The following SASH1 variants were observed in gnomAD, a reference collection of about 807,000 sequenced individuals.
SASH1 encodes the protein SAM and SH3 domain containing 1, also known as SAM and SH3 domain-containing protein 1.
Under a neutral mutation model 125.2 loss-of-function variants are expected in SASH1, and 44 were observed. That is an observed-to-expected ratio of 0.35 (90% CI 0.28 to 0.45). The LOEUF is 0.45. Among genes scored for constraint, SASH1 ranks in the 20% least tolerant of loss-of-function variants. The pLI is 1.00. For missense variants in SASH1, 1,426 were observed against 1,614.5 expected (o/e 0.88, Z 2.00); for synonymous variants, 639 against 649.1 (o/e 0.98, Z 0.24).
intron 2 of SASH1, among the ~76,000 whole-genome samples, chr6:148,411,600 A>G (rs9322149): frequency 0.29 from 43,682 of 151,922 alleles, 6,372 homozygotes; most frequent in Admixed American, 0.36. Context: ...CTGGAGTGCA[A>G]TGGTGTGATA....
At chr6:148,538,637 G>T (rs1782023122) in intron 16 of SASH1, among the ~76,000 whole-genome samples, 1 of 152,166 alleles carries the variant, frequency 6.6e-6, no homozygotes, top group South Asian at 2.1e-4. Context: ...CTGTAGTTGG[G>T]GCTGTAAAAT....
intron 2 of SASH1, among the ~76,000 whole-genome samples, chr6:148,393,929 G>A (rs912881125): frequency 6.6e-4 from 65 of 98,416 alleles, no homozygotes; most frequent in African/African-American, 2.5e-3. Flanking sequence ...TTTTGCTCTT[G>A]TTGCCCAGGG....
chr6:148,418,210 T>G (rs1784905446), intron 2 of SASH1, among the ~76,000 whole-genome samples: 1 of 152,334 alleles, frequency 6.6e-6, no homozygotes, highest in East Asian at 1.9e-4. Flanking sequence ...ATTTTTTGTT[T>G]ACCACTTGCA....
intron 7 of SASH1, chr6:148,478,903 A>T (rs975328135): frequency 1.7e-5 from 3 of 180,032 alleles, no homozygotes; most frequent in Non-Finnish European, 3.8e-5. Flanking sequence ...TTCCTTGGGC[A>T]TGCCATACAT....
At chr6:148,376,235 T>G (rs1332713357) in intron 1 of SASH1, among the ~76,000 whole-genome samples, 1 of 151,958 alleles carries the variant, frequency 6.6e-6, no homozygotes, top group Non-Finnish European at 1.5e-5. Context: ...CCTAGCTAAT[T>G]TTTTTGTATT....
chr6:148,354,590 G>C (rs1028497557), intron 1 of SASH1, among the ~76,000 whole-genome samples: 4 of 151,898 alleles, frequency 2.6e-5, no homozygotes, highest in African/African-American at 9.7e-5. Flanking sequence ...CTTTAATTAA[G>C]AGTCTTAGGT....
intron 2 of SASH1, among the ~76,000 whole-genome samples, chr6:148,419,191 G>C (rs1489244731): frequency 6.6e-6 from 1 of 152,202 alleles, no homozygotes; most frequent in African/African-American, 2.4e-5. Context: ...TATTCAAAGA[G>C]AGTCTTCATA....
chr6:148,202,982 G>A, the SASH1 span, among the ~76,000 whole-genome samples: 1 of 151,802 alleles, frequency 6.6e-6, no homozygotes, highest in Non-Finnish European at 1.5e-5. Context: ...AAACAGAAAA[G>A]AAAGAATATA....
intron 2 of SASH1, among the ~76,000 whole-genome samples, chr6:148,415,595 G>A (rs1306681385): frequency 6.6e-6 from 1 of 152,144 alleles, no homozygotes; most frequent in South Asian, 2.1e-4. Context: ...TGTTGTCTGG[G>A]AGCACAGATA....
chr6:148,430,098 G>A (rs1776003522), intron 2 of SASH1, among the ~76,000 whole-genome samples: 1 of 152,200 alleles, frequency 6.6e-6, no homozygotes, highest in Admixed American at 6.5e-5. Context: ...TTAAATAGGA[G>A]AGCGTATTGG....
intron 2 of SASH1, among the ~76,000 whole-genome samples, chr6:148,424,245 G>T (rs78345960): frequency 0.061 from 8,562 of 140,592 alleles, 279 homozygotes; most frequent in East Asian, 0.14. Flanking sequence ...TTTTTTTTTT[G>T]GGGGGGGGAG....
intron 1 of SASH1, among the ~76,000 whole-genome samples, chr6:148,294,090 C>T (rs1779702447): frequency 1.3e-5 from 2 of 152,234 alleles, no homozygotes; most frequent in Non-Finnish European, 1.5e-5. Context: ...TCAGCCACAC[C>T]TGGGCTGGCC....
At position 148,543,840 on chromosome 6, in the gene SASH1, C is replaced by T; in HGVS notation, c.2370C>T (p.Gly790=). The T allele has an allele frequency of 1.9e-6, 3 of 1,614,140 alleles. No homozygotes were observed. Among genetic ancestry groups the T allele is most frequent in the Non-Finnish European group, 2.5e-6 (3 of 1,180,006 alleles). Reference sequence around the variant, plus strand: ...AGGAGGAGGGCAGGCTGGGTGGTGGCCTTGCCCCAGACACGTCCAAGAGCT... The same window carrying T: ...AGGAGGAGGGCAGGCTGGGTGGTGGTCTTGCCCCAGACACGTCCAAGAGCT... ...QGQEEGRLGG[G]LAPDTSKSCD... The change falls in exon 18 of 20, where the codon GGC becomes GGT. Residue 790 remains glycine, a synonymous_variant. Transcript: ENST00000367467.
In SASH1 at chr6:148,304,013, C is replaced by G. The variant is rs138390281; in HGVS notation, n.74+31636C>G. On this transcript the variant is annotated intron_variant and non_coding_transcript_variant, in intron 1 of 3. Transcript: ENST00000367469. ...AGGAAGAAAGATCTCAAATTAATAA[C>G]CAAATCGGGGGCCGGGTGCGATGGC... Among the ~76,000 whole-genome samples, 414 of 152,012 alleles carry G rather than the reference C, an allele frequency of 2.7e-3. 3 individuals carry two copies. The highest frequency in any genetic ancestry group is 9.5e-3 in the African/African-American group (396 of 41,518).
At chr6:148,454,849 C>T (rs1468169658) in intron 4 of SASH1, among the ~76,000 whole-genome samples, 1 of 152,190 alleles carries the variant, frequency 6.6e-6, no homozygotes, top group Non-Finnish European at 1.5e-5. Flanking sequence ...TTCATTACTT[C>T]GTTGAATCTT....
intron 8 of SASH1, among the ~76,000 whole-genome samples, chr6:148,496,919 T>A (rs898821114): frequency 1.3e-4 from 19 of 151,658 alleles, no homozygotes; most frequent in Admixed American, 3.9e-4. Flanking sequence ...TATAAAATAA[T>A]GTATACTGAT....
At chr6:148,333,241 A>AAAT (rs1287227593) in intron 1 of SASH1, among the ~76,000 whole-genome samples, 55 of 151,844 alleles carry the variant, frequency 3.6e-4, no homozygotes, top group African/African-American at 1.2e-3. Context: ...TGTCTACAAA[A>AAAT]AATAATAATA....
intron 1 of SASH1, among the ~76,000 whole-genome samples, chr6:148,332,940 T>C (rs777704813): frequency 2.0e-5 from 3 of 152,148 alleles, no homozygotes; most frequent in Non-Finnish European, 2.9e-5. Context: ...TGAGCCGAGA[T>C]TGTGGCACTG....
chr6:148,444,757 C>T (rs1289419769), intron 4 of SASH1, among the ~76,000 whole-genome samples: 1 of 152,032 alleles, frequency 6.6e-6, no homozygotes, highest in African/African-American at 2.4e-5. Context: ...GGACCTCATG[C>T]AAGAAAGAAT....
Sources: gnomAD v4.1 joint callset for allele counts (sites outside exome capture counted in the v4.1 genomes callset) on GRCh38, gnomAD v4.1.1 for gene constraint, MANE v1.5 for transcripts, NCBI Gene and HGNC (gene_info 2026-07-23, HGNC 2026-07-21) for gene names.